RABEP1: variants seen among roughly 807,000 people sequenced by gnomAD.
RABEP1 encodes rab GTPase-binding effector protein 1.
In RABEP1, 51 loss-of-function variants were observed where a neutral mutation model predicts 123.4. The observed-to-expected ratio is 0.41, with a 90% CI of 0.33 to 0.52. RABEP1 has a LOEUF of 0.52. Among genes scored for constraint, RABEP1 ranks in the 20% least tolerant of loss-of-function variants. The pLI is 0.16. For synonymous variants in RABEP1, 347 were observed against 355.2 expected, an observed-to-expected ratio of 0.98 and a Z score of 0.26; for missense variants, 888 against 996.3, an observed-to-expected ratio of 0.89 and a Z score of 1.46.
In RABEP1 at chr17:5,335,298, T is replaced by TTAA; in HGVS notation, c.482_483insTAA (p.Leu161_Ser162insLys). Reference sequence around the variant, plus strand: ...GAAATAGCTGATTTAAGAAGAAGGCTGTCTGAAGGTCAAGAGGAGGAAAAT... The same window carrying TTAA: ...GAAATAGCTGATTTAAGAAGAAGGCTTAAGTCTGAAGGTCAAGAGGAGGAAAAT... On this transcript the variant is annotated inframe_insertion, in exon 4 of 18. Transcript: ENST00000537505. The TTAA allele has an allele frequency of 1.2e-6, 2 of 1,613,976 alleles. No homozygotes were observed. Among genetic ancestry groups the TTAA allele is most frequent in the Non-Finnish European group, 1.7e-6 (2 of 1,179,922 alleles).
intron 10 of RABEP1, among the ~76,000 whole-genome samples, chr17:5,363,631 G>A (rs547719207): frequency 6.6e-6 from 1 of 152,236 alleles, no homozygotes; most frequent in South Asian, 2.1e-4. Flanking sequence ...TTAAGTACAT[G>A]GCAAGTACTT....
At chr17:5,338,537 C>T (rs1465579047) in intron 5 of RABEP1, among the ~76,000 whole-genome samples, 11 of 152,264 alleles carry the variant, frequency 7.2e-5, no homozygotes, top group Non-Finnish European at 1.2e-4. Context: ...CTTTGCACTC[C>T]GGCCTGGGCA....
chr17:5,284,989 AT>A lies in RABEP1; in HGVS notation c.34+2470del, dbSNP rs546694729. ...TTGATGACTTTTTAAAAAAAAAAAAATATTGTCTGTTTTTCATGGCCATATG... is the reference window on the plus strand; with the variant it reads ...TTGATGACTTTTTAAAAAAAAAAAAAATTGTCTGTTTTTCATGGCCATATG... On this transcript the variant is annotated intron_variant, in intron 1 of 17. Coordinates refer to ENST00000537505, the MANE Select transcript of RABEP1 (RefSeq NM_004703.6). Among the ~76,000 whole-genome samples, 30 of 152,114 alleles carry A rather than the reference AT, an allele frequency of 2.0e-4. No homozygotes were observed. In the South Asian group the frequency reaches 2.1e-3, roughly 11 times the overall value.
chr17:5,285,593 A>G (rs1387351622), intron 1 of RABEP1, among the ~76,000 whole-genome samples: 2 of 152,218 alleles, frequency 1.3e-5, no homozygotes, highest in African/African-American at 4.8e-5. Flanking sequence ...CTATCATATT[A>G]TATACTCATG....
intron 9 of RABEP1, among the ~76,000 whole-genome samples, chr17:5,362,407 T>TGACTGAGG (rs1909630343): frequency 6.6e-6 from 1 of 152,196 alleles, no homozygotes; most frequent in Admixed American, 6.5e-5. Context: ...GTGCTTTCCT[T>TGACTGAGG]GACTGAGGGC....
intron 1 of RABEP1, among the ~76,000 whole-genome samples, chr17:5,287,219 G>C (rs550406743): frequency 6.6e-6 from 1 of 152,310 alleles, no homozygotes; most frequent in Admixed American, 6.5e-5. Flanking sequence ...GCTTTGAACA[G>C]AGGAATGATG....
Position 5,334,050 on chromosome 17 carries a change from G to T in RABEP1, c.368-1134G>T, listed in dbSNP as rs77080012. Among the ~76,000 whole-genome samples the T allele has an allele frequency of 9.1e-3, 1,260 of 138,742 alleles. 25 individuals are homozygous for T. The highest frequency in any genetic ancestry group is 0.031 in the African/African-American group (1,189 of 38,182). 91.0% of individuals were successfully genotyped at this position (138,742 alleles called of 152,430 possible). Reference sequence around the variant, plus strand: ...AATCAACAGGGTCTGTTACCTAGTGGTTTTTTTTTTTTTTTTTGAGATACT... The same window carrying T: ...AATCAACAGGGTCTGTTACCTAGTGTTTTTTTTTTTTTTTTTTGAGATACT... On this transcript the variant is annotated intron_variant, in intron 3 of 17. Coordinates refer to ENST00000537505, the MANE Select transcript of RABEP1 (RefSeq NM_004703.6).
chr17:5,288,873 T>G (rs186113622), intron 1 of RABEP1, among the ~76,000 whole-genome samples: 96 of 152,030 alleles, frequency 6.3e-4, no homozygotes, highest in African/African-American at 2.2e-3. Context: ...CTGGCTCATT[T>G]TTTTGTATAT....
Position 5,351,696 on chromosome 17 carries a change from G to T in RABEP1, c.963+1067G>T, listed in dbSNP as rs1462420324. ...ACGTGCCTGTAGTTCCAGCTACTTG[G>T]GAGGCTGAGGTGGGAGGATCACTTG... On this transcript the variant is annotated intron_variant, in intron 7 of 17. Coordinates refer to ENST00000537505, the MANE Select transcript of RABEP1 (RefSeq NM_004703.6). 2.0e-5 allele frequency among the ~76,000 whole-genome samples: 3 copies of T among 152,148 alleles called. No individual in the cohort carries two copies. The East Asian group carries it at 5.8e-4, about 29-fold the overall frequency.
intron 3 of RABEP1, among the ~76,000 whole-genome samples, chr17:5,334,050 G>GT (rs574483910): frequency 0.029 from 4,048 of 138,694 alleles, 84 homozygotes; most frequent in Middle Eastern, 0.056. Context: ...TTACCTAGTG[G>GT]TTTTTTTTTT....
chr17:5,379,991 C>A (rs79619177), intron 15 of RABEP1, among the ~76,000 whole-genome samples: 1 of 152,180 alleles, frequency 6.6e-6, no homozygotes, highest in Non-Finnish European at 1.5e-5. Context: ...ATTGGAGTAT[C>A]TCTCCATCTT....
intron 5 of RABEP1, among the ~76,000 whole-genome samples, chr17:5,340,929 CAA>C (rs1342752447): frequency 1.9e-5 from 2 of 104,228 alleles, no homozygotes; most frequent in African/African-American, 4.0e-5. Context: ...GCCTGGGCAA[CAA>C]GAGCAAAACT....
intron 2 of RABEP1, among the ~76,000 whole-genome samples, chr17:5,331,747 A>G (rs578016461): frequency 2.6e-5 from 4 of 152,334 alleles, no homozygotes; most frequent in Admixed American, 2.6e-4. Flanking sequence ...ATTGAGCTCT[A>G]AAACCATGAC....
chr17:5,373,693 AACAC>A (rs55736303), intron 13 of RABEP1, among the ~76,000 whole-genome samples: 3,775 of 135,272 alleles, frequency 0.028, 85 homozygotes, highest in African/African-American at 0.058. Context: ...ACACCAGCTA[AACAC>A]ACACACACAC....
chr17:5,374,397 G>C (rs1189437619), intron 13 of RABEP1, among the ~76,000 whole-genome samples: 1 of 151,878 alleles, frequency 6.6e-6, no homozygotes, highest in Middle Eastern at 3.2e-3. Context: ...GTTTCCCAGA[G>C]ACATTCATAA....
chr17:5,355,558 C>T (rs188618061), intron 8 of RABEP1, among the ~76,000 whole-genome samples: 1 of 152,280 alleles, frequency 6.6e-6, no homozygotes, highest in East Asian at 1.9e-4. Flanking sequence ...CCTGTCCCTG[C>T]GGCTTAGAAT....
chr17:5,343,670 CTTTTT>C (rs753410845), intron 5 of RABEP1, among the ~76,000 whole-genome samples: 107 of 99,932 alleles, frequency 1.1e-3, no homozygotes, highest in East Asian at 3.7e-3. Context: ...TTTCTTTTCT[CTTTTT>C]TTTTTTTTTT....
chr17:5,322,747 T>C (rs1905505660), intron 2 of RABEP1, among the ~76,000 whole-genome samples: 1 of 152,154 alleles, frequency 6.6e-6, no homozygotes, highest in African/African-American at 2.4e-5. Context: ...AATAAAGAAA[T>C]GTGATACATC....
chr17:5,309,799 T>C (rs1327568415), intron 2 of RABEP1, among the ~76,000 whole-genome samples: 2 of 152,224 alleles, frequency 1.3e-5, no homozygotes, highest in East Asian at 3.8e-4. Flanking sequence ...CACAGCTCTC[T>C]AGACCAGTGA....
Sources: allele counts gnomAD v4.1 joint callset (sites outside exome capture counted in the v4.1 genomes callset), GRCh38; gene constraint gnomAD v4.1.1; transcripts MANE v1.5; gene names NCBI Gene and HGNC (gene_info 2026-07-23, HGNC 2026-07-21).